Variants in PARVA observed in about 807,000 individuals in gnomAD.
The protein encoded by PARVA is parvin alpha.
A neutral mutation model predicts 52.6 loss-of-function variants in PARVA; 25 were observed. The ratio of observed to expected loss-of-function variants is 0.48; its 90% CI spans 0.35 to 0.66. The LOEUF is 0.66. PARVA is among the 30% of genes least tolerant of loss of function. The probability of loss-of-function intolerance (pLI) is 0.01; values close to 1 mark genes in which losing one functional copy is unlikely to be tolerated. For synonymous variants in PARVA, 185 were observed against 179.1 expected (o/e 1.03, Z -0.26); for missense variants, 373 against 450.9 (o/e 0.83, Z 1.56).
Position 12,485,364 on chromosome 11 carries a change from C to T in PARVA, c.400+7415C>T, listed in dbSNP as rs942810130. On this transcript the variant is annotated intron_variant, in intron 4 of 12. Transcript: ENST00000334956. Reference sequence around the variant, plus strand: ...CAGGTCGTGGTTTTTAGCACCATTTCCAACAGGAGAAACCAGGACTTCTTG... The same window carrying T: ...CAGGTCGTGGTTTTTAGCACCATTTTCAACAGGAGAAACCAGGACTTCTTG... 2.0e-5 allele frequency among the ~76,000 whole-genome samples: 3 copies of T among 152,060 alleles called. No individual in the cohort carries two copies. In the South Asian group the frequency reaches 6.2e-4, roughly 32 times the overall value.
intron 1 of PARVA, among the ~76,000 whole-genome samples, chr11:12,412,728 AAAT>A (rs1233989628): frequency 7.2e-6 from 1 of 138,812 alleles, no homozygotes; most frequent in Non-Finnish European, 1.5e-5. Flanking sequence ...AGAGCCAAGA[AAAT>A]AATATTTGCA....
intron 1 of PARVA, among the ~76,000 whole-genome samples, chr11:12,403,832 C>T (rs1939863686): frequency 6.6e-6 from 1 of 152,214 alleles, no homozygotes; most frequent in South Asian, 2.1e-4. Context: ...CCTCTAGTTA[C>T]ACCTTGCACC....
intron 10 of PARVA, among the ~76,000 whole-genome samples, 149 bp from the exon 11 acceptor site, chr11:12,517,458 CCTT>C (rs1250215000): frequency 2.2e-4 from 33 of 152,176 alleles, no homozygotes; most frequent in African/African-American, 8.0e-4. Flanking sequence ...GAGCAGACCT[CCTT>C]GTCTCGGGCC....
Position 12,531,230 on chromosome 11 carries a change from A to C in PARVA, c.*3305A>C, listed in dbSNP as rs1941768644. 6.6e-6 allele frequency among the ~76,000 whole-genome samples: 1 copy of C among 152,226 alleles called. No individual in the cohort carries two copies. The highest frequency in any genetic ancestry group is 2.1e-4 in the South Asian group (1 of 4,828). On this transcript the variant is annotated 3_prime_UTR_variant, in exon 13 of 13. Transcript: ENST00000334956. ...AGATGACATTTCCCGATCTGGGAGA[A>C]GGCTTCTTTATCAGCACATCATCAG...
intron 5 of PARVA, among the ~76,000 whole-genome samples, chr11:12,503,506 T>G (rs1463315921): frequency 6.6e-6 from 1 of 151,822 alleles, no homozygotes; most frequent in Admixed American, 6.6e-5. Context: ...AACCTGGGAT[T>G]AGAGAGGTGC....
At chr11:12,413,131 A>T (rs894125943) in intron 1 of PARVA, among the ~76,000 whole-genome samples, 1 of 152,236 alleles carries the variant, frequency 6.6e-6, no homozygotes, top group Non-Finnish European at 1.5e-5. Context: ...TTGGGCATAC[A>T]AGGGGAATTA....
intron 4 of PARVA, among the ~76,000 whole-genome samples, chr11:12,494,130 A>G (rs557708960): frequency 6.6e-6 from 1 of 152,348 alleles, no homozygotes; most frequent in South Asian, 2.1e-4. Flanking sequence ...TGCATAGGGC[A>G]TGGTTTGTGG....
intron 6 of PARVA, among the ~76,000 whole-genome samples, chr11:12,505,227 C>T (rs924188610): frequency 6.6e-6 from 1 of 152,172 alleles, no homozygotes; most frequent in Non-Finnish European, 1.5e-5. Flanking sequence ...AAACATGCAG[C>T]AAAGGAGAGC....
At chr11:12,436,522 C>G (rs1354069555) in intron 1 of PARVA, among the ~76,000 whole-genome samples, 1 of 152,090 alleles carries the variant, frequency 6.6e-6, no homozygotes, top group Non-Finnish European at 1.5e-5. Flanking sequence ...GGACTTTTGG[C>G]TGCCTGTATA....
chr11:12,394,692 A>G (rs915332581), intron 1 of PARVA, among the ~76,000 whole-genome samples: 4 of 152,218 alleles, frequency 2.6e-5, no homozygotes, highest in Non-Finnish European at 5.9e-5. Context: ...TATGATTACA[A>G]TCATCCTCCT....
chr11:12,439,281 T>G lies in PARVA; in HGVS notation c.137-34464T>G, dbSNP rs191434009. Among the ~76,000 whole-genome samples the G allele has an allele frequency of 3.9e-5, 6 of 152,142 alleles. No individual in the cohort carries two copies. The East Asian group carries it at 1.2e-3, about 29-fold the overall frequency. On this transcript the variant is annotated intron_variant, in intron 1 of 12. Coordinates refer to ENST00000334956, the MANE Select transcript of PARVA (RefSeq NM_018222.5). ...CTTGGCCAGTGGTTCTACTAATTCT[T>G]CCCCCAAACGACACTGCAGGAGAGA...
chr11:12,451,319 C>A (rs530215723), intron 1 of PARVA, among the ~76,000 whole-genome samples: 26 of 152,288 alleles, frequency 1.7e-4, no homozygotes, highest in Middle Eastern at 6.8e-3. Flanking sequence ...GTATGTTAAA[C>A]CCCAGATTTT....
At chr11:12,463,118 C>CT (rs904356479) in intron 1 of PARVA, among the ~76,000 whole-genome samples, 16 of 151,832 alleles carry the variant, frequency 1.1e-4, no homozygotes, top group Non-Finnish European at 4.4e-5. Context: ...CCCACGCCCA[C>CT]TTTTTTTTCT....
chr11:12,376,679 T>C (rs1939393462), upstream of PARVA: 1 of 966,760 alleles, frequency 1.0e-6, no homozygotes, highest in Non-Finnish European at 1.2e-6. Flanking sequence ...GTGCTGTGAG[T>C]CTGTGTGTGA....
chr11:12,483,403 G>GT (rs1941113862), intron 4 of PARVA, among the ~76,000 whole-genome samples: 1 of 152,320 alleles, frequency 6.6e-6, no homozygotes, highest in South Asian at 2.1e-4. Context: ...CCAAACACGA[G>GT]TATGTTAATC....
intron 8 of PARVA, among the ~76,000 whole-genome samples, chr11:12,511,806 T>C (rs1357711473): frequency 6.6e-6 from 1 of 152,152 alleles, no homozygotes; most frequent in Non-Finnish European, 1.5e-5. Context: ...AGTAAACACA[T>C]GAAGCCACGA....
chr11:12,466,017 G>GT (rs922469643), intron 1 of PARVA, among the ~76,000 whole-genome samples: 9 of 152,116 alleles, frequency 5.9e-5, no homozygotes, highest in South Asian at 4.1e-4. Context: ...AGTGTTGTCA[G>GT]TTTTTTTTGG....
intron 7 of PARVA, among the ~76,000 whole-genome samples, chr11:12,510,622 G>A (rs1941492448): frequency 6.6e-6 from 1 of 152,210 alleles, no homozygotes; most frequent in South Asian, 2.1e-4. Context: ...TGGCCGGGGA[G>A]GCCTCAGAAT....
intron 1 of PARVA, among the ~76,000 whole-genome samples, chr11:12,395,666 G>C (rs139590012): frequency 2.0e-5 from 3 of 152,078 alleles, no homozygotes; most frequent in Non-Finnish European, 1.5e-5. Context: ...TCAAAGACTC[G>C]GCCTCTTCCA....
Sources: gnomAD v4.1 joint callset for allele counts (sites outside exome capture counted in the v4.1 genomes callset) on GRCh38, gnomAD v4.1.1 for gene constraint, MANE v1.5 for transcripts, NCBI Gene and HGNC (gene_info 2026-07-23, HGNC 2026-07-21) for gene names.